The following MYO10 variants were observed in gnomAD, a reference collection of about 807,000 sequenced individuals.
MYO10 encodes unconventional myosin-X.
A neutral mutation model predicts 257.3 loss-of-function variants in MYO10; 133 were observed. The ratio of observed to expected loss-of-function variants is 0.52; its 90% CI spans 0.45 to 0.60. The LOEUF is 0.60. Ranked by LOEUF, MYO10 falls within the 20% of genes least tolerant of loss-of-function variation. The pLI, the probability that MYO10 is intolerant of heterozygous loss-of-function variation, is 0.00. For synonymous variants in MYO10, 1,104 were observed against 1,028.6 expected, an observed-to-expected ratio of 1.07 and a Z score of -1.40; for missense variants, 2,399 against 2,635.7, an observed-to-expected ratio of 0.91 and a Z score of 1.97.
intron 1 of MYO10, among the ~76,000 whole-genome samples, chr5:16,904,337 T>G (rs1479324233): frequency 6.6e-6 from 1 of 152,180 alleles, no homozygotes; most frequent in Non-Finnish European, 1.5e-5. Flanking sequence ...TAAGCCAGTG[T>G]TCCCTTGAGT....
chr5:16,831,198 C>G (rs62369352), intron 2 of MYO10, among the ~76,000 whole-genome samples: 21,015 of 152,098 alleles, frequency 0.14, 1,634 homozygotes, highest in East Asian at 0.25. Context: ...GGAACGGCCA[C>G]AGTCAAAAAA....
Position 16,670,788 on chromosome 5 carries a change from C to G in MYO10, c.5621G>C (p.Cys1874Ser). The G allele has an allele frequency of 6.2e-7, 1 of 1,614,040 alleles. No homozygotes were observed. Among genetic ancestry groups the G allele is most frequent in the Non-Finnish European group, 8.5e-7 (1 of 1,179,910 alleles). Residue 1874 changes from cysteine to serine, a missense_variant, in exon 39 of 41, where the codon TGT (cysteine) becomes TCT (serine). Transcript: ENST00000513610. ...ISQSTKTFTP[C>S]ERLEKRRTSF... ...CGTCCGCCTCTTCTCCAGCCGTTCA[C>G]AAGGGGTGAAGGTTTTGGTTGACTG...
At chr5:16,729,515 G>A (rs562676983) in intron 19 of MYO10, among the ~76,000 whole-genome samples, 31 of 149,950 alleles carry the variant, frequency 2.1e-4, no homozygotes, top group Non-Finnish European at 4.0e-4. Flanking sequence ...GCAGTGGCGC[G>A]ATCTTGGCTC....
intron 19 of MYO10, among the ~76,000 whole-genome samples, chr5:16,743,334 A>G (rs532937368): frequency 9.3e-4 from 142 of 152,100 alleles, no homozygotes; most frequent in Middle Eastern, 6.8e-3. Flanking sequence ...CACCAGTTCT[A>G]TAGTGAGCAA....
At chr5:16,793,743 A>G (rs181213464) in intron 4 of MYO10, among the ~76,000 whole-genome samples, 109 of 152,272 alleles carry the variant, frequency 7.2e-4, no homozygotes, top group Middle Eastern at 3.4e-3. Context: ...CAGCCTGACC[A>G]ACACAGAGAA....
chr5:16,765,257 G>A (rs952182070), intron 11 of MYO10, among the ~76,000 whole-genome samples: 14 of 152,152 alleles, frequency 9.2e-5, no homozygotes, highest in Admixed American at 4.6e-4. Flanking sequence ...GTGGGCACAA[G>A]CTCCTAGTGA....
At position 16,681,296 on chromosome 5, in the gene MYO10, C is replaced by A. The variant is rs774228588; in HGVS notation, c.4384+13G>T. ...GATTTGATGCTCAGGGTTCGGGCAG[C>A]CAGCCTGGTTACCTGTCTCTTTGAA... On this transcript the variant is annotated intron_variant, in intron 32 of 40. Coordinates refer to ENST00000513610, the MANE Select transcript of MYO10 (RefSeq NM_012334.3). 12 of 1,600,134 alleles carry A rather than the reference C, an allele frequency of 7.5e-6. No individual in the cohort carries two copies. Among genetic ancestry groups the A allele is most frequent in the Non-Finnish European group, 1.0e-5 (12 of 1,175,076 alleles).
Position 16,673,895 on chromosome 5 carries a change from A to G in MYO10, c.4965-6T>C, listed in dbSNP as rs1414311488. On this transcript the variant is annotated splice_region_variant and splice_polypyrimidine_tract_variant and intron_variant, in intron 35 of 40. Coordinates refer to ENST00000513610, the MANE Select transcript of MYO10 (RefSeq NM_012334.3). ...CTGGAAACTGTTCCCGTATCCTAGG[A>G]GGCAAACACTAACTGTTAATTTTTA... 6.2e-7 allele frequency: 1 copy of G among 1,613,126 alleles called. No individual in the cohort carries two copies.
chr5:16,739,832 A>G (rs1252014346), intron 19 of MYO10, among the ~76,000 whole-genome samples: 1 of 152,236 alleles, frequency 6.6e-6, no homozygotes, highest in Non-Finnish European at 1.5e-5. Context: ...CTAATTTTTA[A>G]AACATTTCAC....
At chr5:16,699,698 A>G in intron 25 of MYO10, 125 bp from the exon 26 acceptor site, 1 of 1,304,532 alleles carries the variant, frequency 7.7e-7, no homozygotes, top group Non-Finnish European at 1.1e-6. Context: ...GAGGCAGCAG[A>G]ATCACTCGAA....
chr5:16,742,076 A>AGGGC, intron 19 of MYO10: 2 of 985,442 alleles, frequency 2.0e-6, no homozygotes, highest in Non-Finnish European at 2.4e-6. Flanking sequence ...TGCACGCATC[A>AGGGC]ACAAATGTGT....
chr5:16,894,706 G>A (rs919847578), intron 1 of MYO10, among the ~76,000 whole-genome samples: 2 of 152,172 alleles, frequency 1.3e-5, no homozygotes, highest in Non-Finnish European at 2.9e-5. Context: ...AGTCCAATGG[G>A]GATGAAGTGC....
Position 16,673,751 on chromosome 5 carries a change from T to C in MYO10, c.5103A>G (p.Thr1701=), listed in dbSNP as rs1457476629. Residue 1701 remains threonine, a synonymous_variant, in exon 36 of 41, where the codon ACA becomes ACG. Transcript: ENST00000513610. ...IEALIHRQEM[T]STVYCHGGGS... ...CGCCGCCATGGCAATAGACCGTGGA[T>C]GTCATTTCCTGCCTGTGGATCAGAG... is the stretch of plus-strand genomic sequence containing the variant. 3 of 1,613,978 alleles carry C rather than the reference T, an allele frequency of 1.9e-6. No homozygotes were observed. Among genetic ancestry groups the C allele is most frequent in the Non-Finnish European group, 8.5e-7 (1 of 1,179,890 alleles).
chr5:16,761,966 C>T (rs1283438678), intron 16 of MYO10, 79 bp downstream of exon 16: 4 of 1,390,646 alleles, frequency 2.9e-6, no homozygotes, highest in Admixed American at 6.2e-5. Context: ...CCAATAAATT[C>T]ATGATTGGCT....
At chr5:16,846,315 A>C (rs1285656350) in intron 2 of MYO10, among the ~76,000 whole-genome samples, 3 of 152,144 alleles carry the variant, frequency 2.0e-5, no homozygotes, top group Non-Finnish European at 4.4e-5. Context: ...CAACATTAAA[A>C]ACCACCTTGA....
Position 16,670,672 on chromosome 5 carries a change from T to C in MYO10, c.5737A>G (p.Ile1913Val). 1 of 1,613,996 alleles carries C rather than the reference T, an allele frequency of 6.2e-7. No individual in the cohort carries two copies. The highest frequency in any genetic ancestry group is 8.5e-7 in the Non-Finnish European group (1 of 1,179,894). Residue 1913 changes from isoleucine (I) to valine (V), a missense_variant, in exon 39 of 41, where the codon ATT becomes GTT. Physicochemically the swap from Ile to Val is conservative, Grantham distance 29 (BLOSUM62 3). This residue lies in a region of MYO10 where 1,820 missense variants were observed against 1,939.4 expected (regional missense o/e 0.94). Coordinates refer to ENST00000513610, the MANE Select transcript of MYO10 (RefSeq NM_012334.3). ...VEEEQMLDMW[I>V]KEEVSSARAS... ...CGAGCAGAGGAGACTTCTTCCTTAA[T>C]CCACATGTCCAGCATCTGCTCCTCC...
chr5:16,889,532 A>G (rs1177113576), intron 1 of MYO10, among the ~76,000 whole-genome samples: 1 of 111,760 alleles, frequency 8.9e-6, no homozygotes, highest in Non-Finnish European at 1.9e-5. Context: ...GGAAGGAAGG[A>G]AGGGCGGACG....
At chr5:16,792,350 A>T (rs553271221) in intron 4 of MYO10, among the ~76,000 whole-genome samples, 23 of 152,324 alleles carry the variant, frequency 1.5e-4, no homozygotes, top group African/African-American at 5.3e-4. Flanking sequence ...TAGAGCACCC[A>T]AATCAAAGGG....
chr5:16,760,666 G>A (rs552593055), intron 17 of MYO10, among the ~76,000 whole-genome samples: 4 of 152,152 alleles, frequency 2.6e-5, no homozygotes, highest in South Asian at 2.1e-4. Context: ...TAGAGACACA[G>A]GAGTCCTATA....
Sources: gnomAD v4.1 joint callset for allele counts (sites outside exome capture counted in the v4.1 genomes callset) on GRCh38, gnomAD v4.1.1 for gene constraint, gnomAD v4.1.1 regional missense constraint, MANE v1.5 for transcripts, NCBI Gene and HGNC (gene_info 2026-07-23, HGNC 2026-07-21) for gene names.